Variants in PLCH1 observed in about 807,000 individuals in gnomAD.
PLCH1 encodes the protein phospholipase C eta 1, also known as 1-phosphatidylinositol 4,5-bisphosphate phosphodiesterase eta-1.
A neutral mutation model predicts 126.7 loss-of-function variants in PLCH1; 60 were observed. That is an observed-to-expected ratio of 0.47 (90% CI 0.38 to 0.59). The LOEUF is 0.59. Ranked by LOEUF, PLCH1 falls within the 20% of genes least tolerant of loss-of-function variation. The pLI is 0.00. For synonymous variants in PLCH1, 719 were observed against 734.9 expected, an observed-to-expected ratio of 0.98 and a Z score of 0.35; for missense variants, 1,723 against 2,040.0, an observed-to-expected ratio of 0.84 and a Z score of 2.99.
intron 2 of PLCH1, among the ~76,000 whole-genome samples, chr3:155,688,216 C>CCAA (rs1745100333): frequency 6.6e-6 from 1 of 152,192 alleles, no homozygotes; most frequent in Non-Finnish European, 1.5e-5. Flanking sequence ...ACTTACCTGG[C>CCAA]CAACACACAG....
chr3:155,552,139 C>G (rs1282111745), intron 9 of PLCH1, among the ~76,000 whole-genome samples: 3 of 152,036 alleles, frequency 2.0e-5, no homozygotes, highest in African/African-American at 7.2e-5. Flanking sequence ...AATGAGAAGA[C>G]CAAATATTGG....
intron 2 of PLCH1, among the ~76,000 whole-genome samples, chr3:155,647,473 C>A (rs1311152162): frequency 6.6e-6 from 1 of 151,740 alleles, no homozygotes; most frequent in Non-Finnish European, 1.5e-5. Context: ...CCAAAAGACA[C>A]AATGAACAGG....
At chr3:155,573,306 T>A (rs7634609) in intron 6 of PLCH1, among the ~76,000 whole-genome samples, 3,922 of 152,304 alleles carry the variant, frequency 0.026, 167 homozygotes, top group African/African-American at 0.09. Context: ...TCTCAATGCA[T>A]AGATGGTCAC....
At chr3:155,475,598 C>A (rs1459990865), downstream of PLCH1, among the ~76,000 whole-genome samples, 1 of 151,714 alleles carries the variant, frequency 6.6e-6, no homozygotes, top group Non-Finnish European at 1.5e-5. Flanking sequence ...AGAGAAGATC[C>A]AAATAAATAA....
Position 155,554,213 on chromosome 3 carries a change from T to C in PLCH1, c.1070-17A>G, listed in dbSNP as rs376165949. 1.2e-6 allele frequency: 2 copies of C among 1,609,270 alleles called. No individual in the cohort carries two copies. The highest frequency in any genetic ancestry group is 2.7e-5 in the African/African-American group (2 of 74,744). ...AACAGTCAACTGCCAAAAACAGAACTTTATATCAACAACCCAAAGTCTCTG... is the reference window on the plus strand; with the variant it reads ...AACAGTCAACTGCCAAAAACAGAACCTTATATCAACAACCCAAAGTCTCTG... On this transcript the variant is annotated splice_polypyrimidine_tract_variant and intron_variant, in intron 8 of 22. Coordinates refer to ENST00000460012, the MANE Select transcript of PLCH1 (RefSeq NM_014996.4).
At chr3:155,621,518 A>C (rs918746967) in intron 2 of PLCH1, among the ~76,000 whole-genome samples, 11 of 152,250 alleles carry the variant, frequency 7.2e-5, no homozygotes, top group African/African-American at 2.7e-4. Context: ...CCTTGAAAAA[A>C]GGTTAGACGA....
intron 1 of PLCH1, among the ~76,000 whole-genome samples, chr3:155,736,235 T>C (rs1369951073): frequency 6.6e-6 from 1 of 152,256 alleles, no homozygotes; most frequent in Non-Finnish European, 1.5e-5. Flanking sequence ...ACAGTTTATG[T>C]TCTCTCTCTT....
intron 1 of PLCH1, among the ~76,000 whole-genome samples, chr3:155,712,770 T>C (rs1747227133): frequency 6.7e-6 from 1 of 148,476 alleles, no homozygotes; most frequent in Non-Finnish European, 1.5e-5. Flanking sequence ...TAAATAACTT[T>C]ATGGGAAGAA....
chr3:155,569,555 G>A (rs185189748), intron 6 of PLCH1, among the ~76,000 whole-genome samples: 64 of 152,126 alleles, frequency 4.2e-4, no homozygotes, highest in African/African-American at 1.5e-3. Flanking sequence ...CCACCTGAAA[G>A]TATTATAAAT....
At chr3:155,602,196 T>C (rs550331199) in intron 2 of PLCH1, among the ~76,000 whole-genome samples, 20 of 152,146 alleles carry the variant, frequency 1.3e-4, no homozygotes, top group Non-Finnish European at 2.2e-4. Context: ...TCCAGGAGGT[T>C]TCAATAAGAC....
chr3:155,478,941 C>G (rs6798100), downstream of PLCH1, among the ~76,000 whole-genome samples: 63,465 of 151,974 alleles, frequency 0.42, 17,642 homozygotes, highest in African/African-American at 0.79. Flanking sequence ...GAACAAATCA[C>G]TGTACCTGGG....
At chr3:155,643,244 T>C (rs1739615870) in intron 2 of PLCH1, among the ~76,000 whole-genome samples, 1 of 152,124 alleles carries the variant, frequency 6.6e-6, no homozygotes, top group Non-Finnish European at 1.5e-5. Flanking sequence ...CCACCAAACC[T>C]GGCCCCAACT....
Position 155,500,799 on chromosome 3 carries a change from C to T in PLCH1, c.1705-5G>A, listed in dbSNP as rs113740821. 3.2e-3 allele frequency: 5,031 copies of T among 1,587,556 alleles called. 116 individuals are homozygous for T. In the African/African-American group the frequency reaches 0.055, roughly 17 times the overall value. ...AGACCGTGATTTTGTAGTTTTCTGC[C>T]AGAAAAATCAAAACAAACTTAACAA... On this transcript the variant is annotated splice_region_variant and splice_polypyrimidine_tract_variant and intron_variant, in intron 13 of 22. Coordinates refer to ENST00000460012, the MANE Select transcript of PLCH1 (RefSeq NM_014996.4).
chr3:155,633,620 T>C (rs6772682), intron 2 of PLCH1, among the ~76,000 whole-genome samples: 44,949 of 152,138 alleles, frequency 0.3, 7,227 homozygotes, highest in East Asian at 0.44. Flanking sequence ...AGATAAATTA[T>C]AGCAGAAACT....
chr3:155,624,743 G>A (rs868080998), intron 2 of PLCH1, among the ~76,000 whole-genome samples: 3 of 152,120 alleles, frequency 2.0e-5, no homozygotes, highest in African/African-American at 7.2e-5. Flanking sequence ...AAATAAGACA[G>A]GATACAAACA....
At chr3:155,660,019 T>C (rs985813485) in intron 2 of PLCH1, among the ~76,000 whole-genome samples, 2 of 152,212 alleles carry the variant, frequency 1.3e-5, no homozygotes, top group Non-Finnish European at 2.9e-5. Context: ...GCATATCAAG[T>C]GCCTGCTATG....
intron 2 of PLCH1, among the ~76,000 whole-genome samples, chr3:155,657,166 C>T (rs73874902): frequency 0.035 from 5,287 of 151,662 alleles, 329 homozygotes; most frequent in African/African-American, 0.12. Context: ...GATGAGTAAC[C>T]CACATGAAAC....
intron 2 of PLCH1, among the ~76,000 whole-genome samples, chr3:155,603,249 T>C (rs1733968221): frequency 6.6e-6 from 1 of 152,144 alleles, no homozygotes; most frequent in South Asian, 2.1e-4. Flanking sequence ...CAGATTAGAG[T>C]AAATCTGAGT....
At chr3:155,619,677 C>A (rs1177877101) in intron 2 of PLCH1, among the ~76,000 whole-genome samples, 1 of 152,060 alleles carries the variant, frequency 6.6e-6, no homozygotes, top group East Asian at 1.9e-4. Flanking sequence ...CTCCCTACCC[C>A]CATCCAAAGC....
Sources: gnomAD v4.1 joint callset for allele counts (sites outside exome capture counted in the v4.1 genomes callset) on GRCh38, gnomAD v4.1.1 for gene constraint, MANE v1.5 for transcripts, NCBI Gene and HGNC (gene_info 2026-07-23, HGNC 2026-07-21) for gene names.